CDH13: variants seen among roughly 807,000 people sequenced by gnomAD.
CDH13 encodes the protein cadherin-13.
CDH13 carries 24 observed loss-of-function variants against 63.8 expected under a neutral mutation model. The observed-to-expected ratio is 0.38, with a 90% confidence interval of 0.27 to 0.53. The LOEUF (loss-of-function observed/expected upper bound fraction) is 0.53, where lower values mean the gene tolerates loss of function less well. Among genes scored for constraint, CDH13 ranks in the 20% least tolerant of loss-of-function variants. The pLI is 0.85. For synonymous variants in CDH13, 503 were observed against 355.3 expected (o/e 1.42, Z -4.67); for missense variants, 1,049 against 903.1 (o/e 1.16, Z -2.07).
intron 2 of CDH13, among the ~76,000 whole-genome samples, chr16:82,972,158 C>G (rs186050736): frequency 1.3e-5 from 2 of 152,246 alleles, no homozygotes; most frequent in East Asian, 3.9e-4. Flanking sequence ...AGGCACAGAG[C>G]AGGACCAGGG....
intron 1 of CDH13, among the ~76,000 whole-genome samples, chr16:82,779,493 G>GT (rs1335175527): frequency 1.3e-5 from 2 of 152,188 alleles, no homozygotes; most frequent in Admixed American, 6.5e-5. Context: ...TCTGAACTCA[G>GT]TTGTGCAAAA....
intron 1 of CDH13, among the ~76,000 whole-genome samples, chr16:82,808,468 A>G (rs1165149275): frequency 6.6e-6 from 1 of 152,210 alleles, no homozygotes; most frequent in Non-Finnish European, 1.5e-5. Flanking sequence ...GAGGCAAGTC[A>G]GAGATGAAAT....
chr16:82,688,655 T>A (rs1470943394), intron 1 of CDH13, among the ~76,000 whole-genome samples: 2 of 152,242 alleles, frequency 1.3e-5, no homozygotes, highest in Non-Finnish European at 2.9e-5. Context: ...CTGATATTGT[T>A]TGTAACAAGA....
At chr16:83,704,206 G>C (rs1906669062) in intron 10 of CDH13, among the ~76,000 whole-genome samples, 1 of 152,184 alleles carries the variant, frequency 6.6e-6, no homozygotes, top group East Asian at 1.9e-4. Context: ...GAAGCTAAGG[G>C]ATAGAAAGGT....
At chr16:82,669,603 G>T (rs1042252155) in intron 1 of CDH13, among the ~76,000 whole-genome samples, 6 of 152,228 alleles carry the variant, frequency 3.9e-5, no homozygotes, top group Non-Finnish European at 8.8e-5. Context: ...TAACTTATTA[G>T]ACATTGTGAC....
intron 2 of CDH13, among the ~76,000 whole-genome samples, chr16:82,988,879 G>A (rs1911301699): frequency 6.6e-6 from 1 of 152,074 alleles, no homozygotes; most frequent in Non-Finnish European, 1.5e-5. Flanking sequence ...GAAAGGCAAA[G>A]ACAGAGAGGA....
chr16:83,164,697 G>C (rs1163861643), intron 4 of CDH13, among the ~76,000 whole-genome samples: 1 of 144,298 alleles, frequency 6.9e-6, no homozygotes, highest in Non-Finnish European at 1.5e-5. Context: ...TCTAGGCTGG[G>C]TGACAAGAGC....
intron 2 of CDH13, among the ~76,000 whole-genome samples, chr16:83,024,987 C>G (rs1190447851): frequency 3.3e-5 from 5 of 152,124 alleles, no homozygotes; most frequent in Non-Finnish European, 7.4e-5. Context: ...TCCATGGCAA[C>G]AGCCTGAGAC....
chr16:83,713,971 T>A (rs1291508257), intron 10 of CDH13, among the ~76,000 whole-genome samples: 1 of 152,202 alleles, frequency 6.6e-6, no homozygotes, highest in Non-Finnish European at 1.5e-5. Context: ...GAGAAATGCC[T>A]GTCCAGTATT....
At chr16:83,561,812 C>T (rs1476566680) in intron 7 of CDH13, among the ~76,000 whole-genome samples, 6 of 152,284 alleles carry the variant, frequency 3.9e-5, no homozygotes, top group Non-Finnish European at 7.4e-5. Context: ...CATTGTTCCA[C>T]AGCTGAGTGG....
rs113394563 is a variant in CDH13, at chr16:83,520,128, T to A, written c.960+33473T>A. Among the ~76,000 whole-genome samples the A allele has an allele frequency of 3.4e-3, 524 of 152,240 alleles. 5 individuals carry two copies. Among genetic ancestry groups the A allele is most frequent in the African/African-American group, 0.011 (467 of 41,540 alleles). ...AGGAGTCTTGCAATGTTTTTCAAAA[T>A]GGTAGCCCCAGTCTTGAAACAATAC... On this transcript the variant is annotated intron_variant, in intron 7 of 13. Coordinates refer to ENST00000567109, the MANE Select transcript of CDH13 (RefSeq NM_001257.5).
chr16:83,083,143 A>G (rs747907806), intron 3 of CDH13, among the ~76,000 whole-genome samples: 8 of 152,166 alleles, frequency 5.3e-5, no homozygotes, highest in Non-Finnish European at 1.2e-4. Flanking sequence ...AAGAATTCAG[A>G]CTCTCCCATA....
intron 2 of CDH13, among the ~76,000 whole-genome samples, chr16:82,961,424 T>C (rs1906967946): frequency 6.6e-6 from 1 of 152,014 alleles, no homozygotes; most frequent in African/African-American, 2.4e-5. Flanking sequence ...ACTGGGTAAA[T>C]CTTCTCCATA....
At chr16:82,802,837 C>T (rs547240708) in intron 1 of CDH13, among the ~76,000 whole-genome samples, 4 of 152,296 alleles carry the variant, frequency 2.6e-5, no homozygotes, top group African/African-American at 7.2e-5. Context: ...CAAACTTCAG[C>T]GCTTTTCCAA....
At chr16:83,261,157 C>T (rs972284448) in intron 5 of CDH13, among the ~76,000 whole-genome samples, 7 of 152,070 alleles carry the variant, frequency 4.6e-5, no homozygotes, top group African/African-American at 1.7e-4. Flanking sequence ...ACATAGTGAC[C>T]ACGGTTCAGT....
intron 8 of CDH13, among the ~76,000 whole-genome samples, chr16:83,660,939 T>A (rs1258448392): frequency 2.6e-5 from 4 of 151,066 alleles, no homozygotes; most frequent in African/African-American, 9.7e-5. Context: ...GAAAAAAAAA[T>A]GTAGGCATAT....
chr16:82,789,844 C>A (rs560799191), intron 1 of CDH13, among the ~76,000 whole-genome samples: 2 of 152,158 alleles, frequency 1.3e-5, no homozygotes, highest in African/African-American at 4.8e-5. Context: ...ACTGACCAGC[C>A]TGTCCACAGA....
intron 3 of CDH13, among the ~76,000 whole-genome samples, chr16:83,086,963 A>T (rs2033631795): frequency 6.6e-6 from 1 of 152,230 alleles, no homozygotes; most frequent in Non-Finnish European, 1.5e-5. Flanking sequence ...ACTAGAAATC[A>T]ATGCAAATAT....
At chr16:82,692,481 C>T (rs776798171) in intron 1 of CDH13, among the ~76,000 whole-genome samples, 5 of 151,826 alleles carry the variant, frequency 3.3e-5, no homozygotes, top group Non-Finnish European at 7.4e-5. Context: ...TTTATAAAAC[C>T]ATCAGATCTC....
Sources: gnomAD v4.1 joint callset for allele counts (sites outside exome capture counted in the v4.1 genomes callset) on GRCh38, gnomAD v4.1.1 for gene constraint, MANE v1.5 for transcripts, NCBI Gene and HGNC (gene_info 2026-07-23, HGNC 2026-07-21) for gene names.